Variants in ROBO2 observed in about 807,000 individuals in gnomAD.
The protein encoded by ROBO2 is roundabout homolog 2.
In ROBO2, 53 loss-of-function variants were observed where a neutral mutation model predicts 160.8. The ratio of observed to expected loss-of-function variants is 0.33; its 90% CI spans 0.26 to 0.41. The LOEUF (loss-of-function observed/expected upper bound fraction) is 0.41. Ranked by LOEUF, ROBO2 falls within the 10% of genes least tolerant of loss-of-function variation. The pLI is 1.00. For missense variants in ROBO2, 1,577 were observed against 1,722.4 expected (o/e 0.92, Z 1.49); for synonymous variants, 664 against 611.7 (o/e 1.09, Z -1.26).
At chr3:77,391,163 T>C (rs898085738) in intron 2 of ROBO2, among the ~76,000 whole-genome samples, 2 of 152,054 alleles carry the variant, frequency 1.3e-5, no homozygotes, top group Non-Finnish European at 2.9e-5. Flanking sequence ...ATGCCAAGTA[T>C]TGTACAAGTT....
At chr3:76,958,247 G>A (rs937740893) in intron 2 of ROBO2, among the ~76,000 whole-genome samples, 26 of 152,144 alleles carry the variant, frequency 1.7e-4, no homozygotes, top group African/African-American at 6.0e-4. Flanking sequence ...GGTGGCCTGA[G>A]GTTCTGAATT....
chr3:76,867,665 A>G (rs1438429965), intron 2 of ROBO2, among the ~76,000 whole-genome samples: 1 of 152,142 alleles, frequency 6.6e-6, no homozygotes, highest in Non-Finnish European at 1.5e-5. Context: ...TTGCACTTAA[A>G]CTGTTACAAA....
chr3:77,433,261 G>A (rs2078958191), intron 2 of ROBO2, among the ~76,000 whole-genome samples: 2 of 151,738 alleles, frequency 1.3e-5, no homozygotes, highest in South Asian at 4.2e-4. Context: ...AGGTGAGCAG[G>A]GGTTCCCAGA....
intron 2 of ROBO2, among the ~76,000 whole-genome samples, chr3:76,608,659 C>A (rs1037611136): frequency 6.6e-6 from 1 of 152,130 alleles, no homozygotes; most frequent in Admixed American, 6.5e-5. Flanking sequence ...AGACCAACAT[C>A]CTGGAGAGTT....
intron 2 of ROBO2, among the ~76,000 whole-genome samples, chr3:76,782,198 G>T (rs2597267): frequency 6.6e-6 from 1 of 150,552 alleles, no homozygotes; most frequent in Non-Finnish European, 1.5e-5. Flanking sequence ...TGAATTATCT[G>T]ATTTTCTTCC....
chr3:76,627,296 T>TG lies in ROBO2; in HGVS notation c.110-470717dup, dbSNP rs536645704. On this transcript the variant is annotated intron_variant, in intron 2 of 26. Coordinates refer to the ROBO2 transcript ENST00000487694. ...CATTGGAGCTTCAGTCATTGAAGTATGAAATCTTCATTTGAGCTTTGTAGT... is the reference window on the plus strand; with the variant it reads ...CATTGGAGCTTCAGTCATTGAAGTATGGAAATCTTCATTTGAGCTTTGTAGT... 3.0e-4 allele frequency among the ~76,000 whole-genome samples: 45 copies of TG among 152,314 alleles called. No individual in the cohort carries two copies. The Middle Eastern group carries it at 0.014, about 46-fold the overall frequency.
chr3:76,920,772 G>A (rs1030471150), intron 2 of ROBO2, among the ~76,000 whole-genome samples: 3 of 152,142 alleles, frequency 2.0e-5, no homozygotes, highest in Admixed American at 1.3e-4. Flanking sequence ...TGAAACTTTT[G>A]ACAAGAAGAG....
intron 2 of ROBO2, among the ~76,000 whole-genome samples, chr3:76,141,159 C>CTCTATATATATATA (rs1364431015): frequency 6.5e-4 from 6 of 9,176 alleles, no homozygotes; most frequent in African/African-American, 8.6e-4. Flanking sequence ...CTCTCTCTCT[C>CTCTATATATATATA]TATATATATA....
chr3:76,883,803 T>C (rs1379569063), intron 2 of ROBO2, among the ~76,000 whole-genome samples: 1 of 152,204 alleles, frequency 6.6e-6, no homozygotes, highest in Admixed American at 6.5e-5. Flanking sequence ...AACTTTTTGT[T>C]CAACAATATT....
At chr3:76,460,443 G>C (rs1001322579) in intron 2 of ROBO2, among the ~76,000 whole-genome samples, 1 of 152,176 alleles carries the variant, frequency 6.6e-6, no homozygotes, top group African/African-American at 2.4e-5. Context: ...GACAAGTGGT[G>C]CTTTGTGGCT....
chr3:76,310,369 T>C (rs1420084662), intron 2 of ROBO2, among the ~76,000 whole-genome samples: 1 of 152,200 alleles, frequency 6.6e-6, no homozygotes, highest in Non-Finnish European at 1.5e-5. Flanking sequence ...TGTTGGTATT[T>C]CCAAAAGTTT....
intron 2 of ROBO2, among the ~76,000 whole-genome samples, chr3:76,773,170 G>A (rs1322568956): frequency 6.6e-5 from 10 of 150,982 alleles, no homozygotes; most frequent in South Asian, 4.2e-4. Flanking sequence ...ATAAAATGCA[G>A]CATTTAGTCA....
chr3:76,246,365 C>T (rs1239611885), intron 2 of ROBO2, among the ~76,000 whole-genome samples: 1 of 152,032 alleles, frequency 6.6e-6, no homozygotes, highest in African/African-American at 2.4e-5. Flanking sequence ...CGTAAGTCTA[C>T]AGCTCAAAAG....
chr3:77,431,423 T>C (rs1253904378), intron 2 of ROBO2, among the ~76,000 whole-genome samples: 1 of 152,222 alleles, frequency 6.6e-6, no homozygotes, highest in Non-Finnish European at 1.5e-5. Flanking sequence ...TTTTATATGC[T>C]CTACAGGATA....
chr3:76,490,601 C>T lies in ROBO2; in HGVS notation c.109+552999C>T, dbSNP rs552042726. ...GAAGTGATGAAAGTAACTCTTGCCA[C>T]TCTAATATGTCGCCATGATAAAATT... On this transcript the variant is annotated intron_variant, in intron 2 of 26. Coordinates refer to the ROBO2 transcript ENST00000487694. Among the ~76,000 whole-genome samples the T allele has an allele frequency of 7.2e-5, 11 of 152,294 alleles. No individual in the cohort carries two copies. In the East Asian group the frequency reaches 1.9e-3, roughly 27 times the overall value.
intron 2 of ROBO2, among the ~76,000 whole-genome samples, chr3:77,198,324 G>A (rs1289179362): frequency 1.3e-5 from 2 of 152,128 alleles, no homozygotes; most frequent in Non-Finnish European, 2.9e-5. Flanking sequence ...TGAAACTCAA[G>A]GATGAGAAAG....
At chr3:76,141,596 C>G (rs1559586775) in intron 2 of ROBO2, among the ~76,000 whole-genome samples, 1 of 151,610 alleles carries the variant, frequency 6.6e-6, no homozygotes, top group Non-Finnish European at 1.5e-5. Context: ...TTACTTCCAA[C>G]TTTAGAATTT....
chr3:76,551,256 AG>A (rs1407770435), intron 2 of ROBO2, among the ~76,000 whole-genome samples: 3 of 152,026 alleles, frequency 2.0e-5, no homozygotes, highest in Non-Finnish European at 4.4e-5. Context: ...TCAATTCGTA[AG>A]AACGACCTGC....
chr3:76,727,766 T>C (rs954114533), intron 2 of ROBO2, among the ~76,000 whole-genome samples: 1 of 151,868 alleles, frequency 6.6e-6, no homozygotes, highest in African/African-American at 2.4e-5. Context: ...AGGAAATGGA[T>C]AGTAAAGAGA....
Sources: allele counts gnomAD v4.1 joint callset (sites outside exome capture counted in the v4.1 genomes callset), GRCh38; gene constraint gnomAD v4.1.1; transcripts MANE v1.5; gene names NCBI Gene and HGNC (gene_info 2026-07-23, HGNC 2026-07-21).